Variants in FKBP1A observed in about 807,000 individuals in gnomAD.
FKBP1A encodes the protein FKBP prolyl isomerase 1A, also known as peptidyl-prolyl cis-trans isomerase FKBP1A.
A neutral mutation model predicts 14.2 loss-of-function variants in FKBP1A; 5 were observed. That is an observed-to-expected ratio of 0.35 (90% CI 0.18 to 0.74). The LOEUF (loss-of-function observed/expected upper bound fraction) is 0.74. Among genes scored for constraint, FKBP1A ranks in the 30% least tolerant of loss-of-function variants. The pLI, the probability that FKBP1A is intolerant of heterozygous loss-of-function variation, is 0.56. For synonymous variants in FKBP1A, 42 were observed against 49.1 expected, an observed-to-expected ratio of 0.86 and a Z score of 0.60; for missense variants, 53 against 138.8, an observed-to-expected ratio of 0.38 and a Z score of 3.10.
intron 3 of FKBP1A, 92 bp from the exon 4 acceptor site, chr20:1,372,332 C>A (rs2089477123): frequency 1.4e-6 from 2 of 1,397,924 alleles, no homozygotes; most frequent in Non-Finnish European, 2.0e-6. Flanking sequence ...TGTTCCTTGG[C>A]CAGGATGGTA....
chr20:1,392,058 A>G (rs2089744126), intron 2 of FKBP1A, among the ~76,000 whole-genome samples: 1 of 152,206 alleles, frequency 6.6e-6, no homozygotes, highest in Non-Finnish European at 1.5e-5. Context: ...TTTGGCTTGT[A>G]TTATCACTAT....
intron 2 of FKBP1A, among the ~76,000 whole-genome samples, chr20:1,389,174 T>C (rs1473545943): frequency 6.6e-6 from 1 of 152,210 alleles, no homozygotes; most frequent in Non-Finnish European, 1.5e-5. Context: ...ACTATCAGTC[T>C]CCTCATCATA....
In FKBP1A at chr20:1,392,790, C is replaced by T. The variant is rs558503002; in HGVS notation, c.85+44G>A. ...TCGACGGCCAGCCGCACCCGGGCTGCGGACTGCGGCCCGGGCCCCCTCCCC... is the reference window on the plus strand; with the variant it reads ...TCGACGGCCAGCCGCACCCGGGCTGTGGACTGCGGCCCGGGCCCCCTCCCC... On this transcript the variant is annotated intron_variant, in intron 2 of 4. Coordinates refer to ENST00000400137, the MANE Select transcript of FKBP1A (RefSeq NM_000801.5). 7.6e-6 allele frequency: 11 copies of T among 1,438,954 alleles called. No individual in the cohort carries two copies. The East Asian group carries it at 3.3e-4, about 44-fold the overall frequency. 89.1% of individuals were successfully genotyped at this position (1,438,954 alleles called of 1,614,324 possible).
At chr20:1,384,346 C>T (rs2089648192) in intron 2 of FKBP1A, among the ~76,000 whole-genome samples, 1 of 152,146 alleles carries the variant, frequency 6.6e-6, no homozygotes, top group African/African-American at 2.4e-5. Context: ...AGTGAATAAT[C>T]ATATGGGAGA....
intron 2 of FKBP1A, among the ~76,000 whole-genome samples, chr20:1,383,054 A>G (rs1207930882): frequency 6.6e-6 from 1 of 152,154 alleles, no homozygotes; most frequent in East Asian, 1.9e-4. Context: ...AGCGGTGGTT[A>G]AGACTCAAGA....
intron 2 of FKBP1A, chr20:1,391,765 AAAG>A: frequency 2.5e-6 from 1 of 397,406 alleles, no homozygotes; most frequent in Non-Finnish European, 4.4e-6. Flanking sequence ...AGTGGGAAAA[AAAG>A]AGGGAGGAGG....
rs185357460 is a variant in FKBP1A, at chr20:1,390,114, G to C, written c.85+2720C>G. 2.0e-5 allele frequency among the ~76,000 whole-genome samples: 3 copies of C among 152,242 alleles called. No homozygotes were observed. The East Asian group carries it at 5.8e-4, about 29-fold the overall frequency. On this transcript the variant is annotated intron_variant, in intron 2 of 4. Coordinates refer to ENST00000400137, the MANE Select transcript of FKBP1A (RefSeq NM_000801.5). ...CATTTAAAGCATCCATGTGGTAAAG[G>C]TCAGTCTGTGCTCTGCACACCTGTG...
At chr20:1,376,430 T>C (rs969917088) in intron 2 of FKBP1A, among the ~76,000 whole-genome samples, 1 of 152,244 alleles carries the variant, frequency 6.6e-6, no homozygotes, top group Non-Finnish European at 1.5e-5. Context: ...CCATGCTCAT[T>C]TTTGCACAGC....
chr20:1,371,489 C>T (rs2089463704), intron 4 of FKBP1A, among the ~76,000 whole-genome samples: 1 of 152,212 alleles, frequency 6.6e-6, no homozygotes, highest in Non-Finnish European at 1.5e-5. Flanking sequence ...CCTCTGGCTT[C>T]ATTTTTCCAC....
intron 2 of FKBP1A, among the ~76,000 whole-genome samples, chr20:1,376,600 C>G (rs2089547166): frequency 6.6e-6 from 1 of 152,172 alleles, no homozygotes; most frequent in Non-Finnish European, 1.5e-5. Flanking sequence ...GTGCTTTCCA[C>G]ACATGAACGA....
rs935958291 is a variant in FKBP1A at position 1,369,815 on chromosome 20, A to G, written c.*294T>C. ...GTACTTAATTGGAAACCTATATCCA[A>G]AAGACTGAAACTGAATCTTCACCCC... On this transcript the variant is annotated 3_prime_UTR_variant, in exon 5 of 5. Coordinates refer to ENST00000400137, the MANE Select transcript of FKBP1A (RefSeq NM_000801.5). The G allele has an allele frequency of 6.3e-5, 31 of 492,552 alleles. No homozygotes were observed. The highest frequency in any genetic ancestry group is 1.1e-4 in the Non-Finnish European group (30 of 274,566). 30.5% of individuals were successfully genotyped at this position (492,552 alleles called of 1,614,324 possible).
intron 2 of FKBP1A, among the ~76,000 whole-genome samples, chr20:1,382,374 T>C (rs1720195648): frequency 1.3e-5 from 2 of 152,218 alleles, no homozygotes; most frequent in South Asian, 2.1e-4. Context: ...ATCACAAGCA[T>C]TGCCTTCTAA....
At chr20:1,370,162 A>C in intron 4 of FKBP1A, 90 bp from the exon 5 acceptor site, 1 of 1,508,522 alleles carries the variant, frequency 6.6e-7, no homozygotes, top group Non-Finnish European at 8.8e-7. Context: ...GCCACGCCAA[A>C]TCCCTTCCCC....
chr20:1,370,976 G>C, intron 4 of FKBP1A: 2 of 985,416 alleles, frequency 2.0e-6, no homozygotes, highest in Non-Finnish European at 2.4e-6. Context: ...GTATTACCAA[G>C]GTGTGTGTGG....
At chr20:1,389,978 G>C (rs891074163) in intron 2 of FKBP1A, among the ~76,000 whole-genome samples, 10 of 152,314 alleles carry the variant, frequency 6.6e-5, no homozygotes, top group South Asian at 2.1e-4. Flanking sequence ...CACAGAGGTA[G>C]TGCAGGCATT....
chr20:1,376,273 A>AGCTG (rs1179535368), intron 2 of FKBP1A, among the ~76,000 whole-genome samples: 2 of 152,238 alleles, frequency 1.3e-5, no homozygotes, highest in Non-Finnish European at 2.9e-5. Context: ...TGGGGCGTAA[A>AGCTG]GCTGGCCCCT....
intron 2 of FKBP1A, among the ~76,000 whole-genome samples, chr20:1,390,742 G>A (rs1315128755): frequency 6.6e-6 from 1 of 152,164 alleles, no homozygotes; most frequent in Non-Finnish European, 1.5e-5. Flanking sequence ...GGAGGCTGGT[G>A]ACAAAGACCC....
rs1568584008 is a variant in FKBP1A, at chr20:1,370,039, A to G, written c.*70T>C. ...AAGCTCCATATGGATTCATGTGCAC[A>G]TGTCTGGAGGCACCAGATCCCTCCA... On this transcript the variant is annotated 3_prime_UTR_variant, in exon 5 of 5. Transcript: ENST00000400137. 6 of 1,550,234 alleles carry G rather than the reference A, an allele frequency of 3.9e-6. No individual in the cohort carries two copies. Among genetic ancestry groups the G allele is most frequent in the Non-Finnish European group, 3.5e-6 (4 of 1,146,910 alleles).
Position 1,372,296 on chromosome 20 carries a change from G to C in FKBP1A, c.199-56C>G, listed in dbSNP as rs1282976723. ...CTGGACACATGCCCCAACTGTCTCT[G>C]TAAGAAAAAGAGCTGTTTACCTAGG... On this transcript the variant is annotated intron_variant, in intron 3 of 4. Transcript: ENST00000400137. 4 of 1,580,778 alleles carry C rather than the reference G, an allele frequency of 2.5e-6. No individual in the cohort carries two copies. In the African/African-American group the frequency reaches 5.4e-5, roughly 21 times the overall value.
Sources: gnomAD v4.1 joint callset for allele counts (sites outside exome capture counted in the v4.1 genomes callset) on GRCh38, gnomAD v4.1.1 for gene constraint, MANE v1.5 for transcripts, NCBI Gene and HGNC (gene_info 2026-07-23, HGNC 2026-07-21) for gene names.